The following ADGRG2 variants were observed in gnomAD, a reference collection of about 807,000 sequenced individuals.
ADGRG2 encodes the protein G protein-coupled receptor 64.
Under a neutral mutation model 74.1 loss-of-function variants are expected in ADGRG2, and 26 were observed. The observed-to-expected ratio is 0.35, with a 90% CI of 0.26 to 0.49. The LOEUF (loss-of-function observed/expected upper bound fraction) is 0.49, where lower values mean the gene tolerates loss of function less well. Among genes scored for constraint, ADGRG2 ranks in the 20% least tolerant of loss-of-function variants. ADGRG2 has a pLI of 0.99. For missense variants in ADGRG2, 619 were observed against 763.1 expected (o/e 0.81, Z 2.22); for synonymous variants, 296 against 295.2 (o/e 1.00, Z -0.03).
At chrX:19,006,359 G>A in intron 20 of ADGRG2, 94 bp from the exon 21 acceptor site, 1 of 630,776 alleles carries the variant, frequency 1.6e-6, no homozygotes, top group Admixed American at 3.1e-5. Flanking sequence ...AAAAAACTGT[G>A]GTTTTTTTTA....
chrX:19,106,919 CA>C (rs764991533), intron 1 of ADGRG2, among the ~76,000 whole-genome samples: 14 of 102,947 alleles, frequency 1.4e-4, no homozygotes, highest in Admixed American at 3.1e-4. Context: ...GACTCTGTCT[CA>C]AAAAAAAAAG....
intron 3 of ADGRG2, among the ~76,000 whole-genome samples, chrX:19,062,069 G>A (rs2061497506): frequency 9.0e-6 from 1 of 111,725 alleles, no homozygotes; most frequent in Non-Finnish European, 1.9e-5. Context: ...CTGAATGTCT[G>A]TCTCATCCTC....
intron 3 of ADGRG2, among the ~76,000 whole-genome samples, chrX:19,062,030 G>A (rs1192643244): frequency 9.0e-6 from 1 of 111,616 alleles, no homozygotes; most frequent in Non-Finnish European, 1.9e-5. Context: ...TCCTTCTCCT[G>A]CTAATACAGC....
At chrX:19,101,272 A>G (rs900678319) in intron 1 of ADGRG2, among the ~76,000 whole-genome samples, 2 of 111,400 alleles carry the variant, frequency 1.8e-5, no homozygotes, top group African/African-American at 6.5e-5. Context: ...TCTCACAAAA[A>G]TAGTATTAAA....
chrX:19,089,128 G>C (rs1306789956), intron 1 of ADGRG2, among the ~76,000 whole-genome samples: 2 of 112,151 alleles, frequency 1.8e-5, no homozygotes, highest in African/African-American at 3.2e-5. Flanking sequence ...GTGGAAGATA[G>C]GAATTTAGTG....
At chrX:19,065,261 C>CAAAAAAAAAAAAA (rs749063279) in intron 3 of ADGRG2, among the ~76,000 whole-genome samples, 2 of 11,149 alleles carry the variant, frequency 1.8e-4, no homozygotes, top group African/African-American at 6.3e-4. Flanking sequence ...GATCCTGTCT[C>CAAAAAAAAAAAAA]AAAAAAAAAA....
intron 2 of ADGRG2, among the ~76,000 whole-genome samples, chrX:19,078,066 C>A (rs1458871067): frequency 1.8e-5 from 2 of 112,226 alleles, no homozygotes; most frequent in Non-Finnish European, 3.8e-5. Flanking sequence ...CGCGCATAAT[C>A]TTTTCAAGAG....
intron 3 of ADGRG2, among the ~76,000 whole-genome samples, chrX:19,054,806 C>A (rs1214456575): frequency 8.9e-6 from 1 of 111,779 alleles, no homozygotes; most frequent in African/African-American, 3.3e-5. Context: ...GAGATCTGGG[C>A]AGATGTGGGC....
At chrX:19,052,759 G>A (rs977406662) in intron 3 of ADGRG2, among the ~76,000 whole-genome samples, 1 of 107,658 alleles carries the variant, frequency 9.3e-6, no homozygotes, top group African/African-American at 3.4e-5. Flanking sequence ...ACACGATCTC[G>A]GCTCACTGCA....
chrX:19,070,288 C>T (rs2061633096), intron 2 of ADGRG2, among the ~76,000 whole-genome samples: 1 of 112,687 alleles, frequency 8.9e-6, no homozygotes, highest in African/African-American at 3.2e-5. Flanking sequence ...AATTTAAAAG[C>T]CTCATTTACC....
chrX:19,094,887 C>T (rs1452460345), intron 1 of ADGRG2, among the ~76,000 whole-genome samples: 1 of 112,541 alleles, frequency 8.9e-6, no homozygotes, highest in Non-Finnish European at 1.9e-5. Flanking sequence ...CCTGGCCTCC[C>T]ACCAGAGCGG....
intron 1 of ADGRG2, among the ~76,000 whole-genome samples, chrX:19,105,062 C>T (rs961680160): frequency 9.0e-6 from 1 of 110,981 alleles, no homozygotes; most frequent in Non-Finnish European, 1.9e-5. Context: ...AGTGAAACCC[C>T]GTCTCTACTA....
At chrX:19,004,902 T>A in intron 22 of ADGRG2, 23 bp from the exon 23 acceptor site, 1 of 1,115,531 alleles carries the variant, frequency 9.0e-7, no homozygotes, top group Non-Finnish European at 1.2e-6. Context: ...ATATTGCTTT[T>A]AATAATCAAA....
At position 19,052,308 on chromosome X, in the gene ADGRG2, G is replaced by A. The variant is rs1434484833; in HGVS notation, c.119-12084C>T. Among the ~76,000 whole-genome samples the A allele has an allele frequency of 6.3e-5, 7 of 111,352 alleles. No homozygotes were observed. The East Asian group carries it at 2.0e-3, about 31-fold the overall frequency. On this transcript the variant is annotated intron_variant, in intron 3 of 28. Transcript: ENST00000379869. ...CATTCCTGCTACTTCCATGATAATC[G>A]GCAAGGCTGAATGATAGCTCTCAGT... is the stretch of plus-strand genomic sequence containing the variant.
intron 3 of ADGRG2, among the ~76,000 whole-genome samples, chrX:19,056,233 G>A (rs2061409962): frequency 8.9e-6 from 1 of 111,749 alleles, no homozygotes; most frequent in Non-Finnish European, 1.9e-5. Flanking sequence ...TTTGAGCGCT[G>A]TGAAGTAATT....
chrX:19,102,916 A>G (rs2062213925), intron 1 of ADGRG2, among the ~76,000 whole-genome samples: 1 of 111,531 alleles, frequency 9.0e-6, no homozygotes, highest in African/African-American at 3.3e-5. Flanking sequence ...CACTCAATCT[A>G]TGGTATTTTG....
intron 1 of ADGRG2, among the ~76,000 whole-genome samples, chrX:19,094,219 G>A (rs945947821): frequency 5.4e-5 from 6 of 111,158 alleles, no homozygotes; most frequent in Non-Finnish European, 1.1e-4. Flanking sequence ...AAAGCAGGGA[G>A]GGTGAGAGGT....
At chrX:19,086,963 G>A (rs774899765) in intron 1 of ADGRG2, among the ~76,000 whole-genome samples, 3 of 111,496 alleles carry the variant, frequency 2.7e-5, no homozygotes, top group Non-Finnish European at 3.8e-5. Context: ...GGAAAGAGGA[G>A]TTTCTTCACA....
intron 1 of ADGRG2, among the ~76,000 whole-genome samples, chrX:19,092,537 C>T (rs759696427): frequency 5.4e-5 from 6 of 111,244 alleles, no homozygotes; most frequent in African/African-American, 1.6e-4. Context: ...GGTGCGAGGA[C>T]AGTAACTTCC....
Sources: gnomAD v4.1 joint callset for allele counts (sites outside exome capture counted in the v4.1 genomes callset) on GRCh38, gnomAD v4.1.1 for gene constraint, MANE v1.5 for transcripts, NCBI Gene and HGNC (gene_info 2026-07-23, HGNC 2026-07-21) for gene names.